Variants in NBDY observed in about 807,000 individuals in gnomAD.
NBDY encodes the protein negative regulator of P-body association.
chrX:56,766,838 C>T (rs1456653532), intron 2 of NBDY, among the ~76,000 whole-genome samples: 1 of 112,355 alleles, frequency 8.9e-6, no homozygotes, highest in Non-Finnish European at 1.9e-5. Context: ...TGGTGGCCTT[C>T]CCCAGCCTCT....
intron 2 of NBDY, among the ~76,000 whole-genome samples, chrX:56,764,702 C>CAAAAAAAA (rs10623590): frequency 4.3e-4 from 26 of 60,777 alleles, no homozygotes; most frequent in Non-Finnish European, 6.7e-4. Flanking sequence ...AAACAAACAC[C>CAAAAAAAA]AAAAAAAAAA....
At chrX:56,752,221 G>A (rs2069589209) in intron 2 of NBDY, among the ~76,000 whole-genome samples, 1 of 112,238 alleles carries the variant, frequency 8.9e-6, no homozygotes, top group African/African-American at 3.2e-5. Context: ...TATGTATACA[G>A]TAATGGGATT....
At chrX:56,740,505 A>G (rs1247665787) in intron 2 of NBDY, among the ~76,000 whole-genome samples, 1 of 110,949 alleles carries the variant, frequency 9.0e-6, no homozygotes, top group African/African-American at 3.3e-5. Flanking sequence ...CTCTATTCCT[A>G]AGTTTTTTGT....
In NBDY at chrX:56,738,155, A is replaced by G. The variant is rs145257581; in HGVS notation, c.*166+5956A>G. On this transcript the variant is annotated intron_variant, in intron 2 of 2. Transcript: ENST00000374922. ...AGATGATGCATTACATTTACTTGTC[A>G]TGTCTCTTCAGTTTTTAATATGGAA... 2.9e-3 allele frequency among the ~76,000 whole-genome samples: 324 copies of G among 112,058 alleles called. 1 individual carries two copies. The highest frequency in any genetic ancestry group is 4.6e-3 in the Middle Eastern group (1 of 218).
chrX:56,812,815 T>C (rs1239355639), intron 2 of NBDY, among the ~76,000 whole-genome samples: 1 of 111,764 alleles, frequency 8.9e-6, no homozygotes, highest in African/African-American at 3.3e-5. Flanking sequence ...TTCTTCTTCT[T>C]CCTTTTTCCT....
At chrX:56,759,078 G>A (rs2069625484) in intron 2 of NBDY, among the ~76,000 whole-genome samples, 2 of 112,035 alleles carry the variant, frequency 1.8e-5, no homozygotes, top group African/African-American at 3.3e-5. Context: ...TCCACTGAGG[G>A]ATACTCCTGC....
At chrX:56,739,234 G>GTATATATA (rs1174908386) in intron 2 of NBDY, among the ~76,000 whole-genome samples, 2 of 22,042 alleles carry the variant, frequency 9.1e-5, no homozygotes, top group African/African-American at 2.7e-4. Context: ...GTGTGTTTGT[G>GTATATATA]TGTGTATATA....
intron 2 of NBDY, among the ~76,000 whole-genome samples, chrX:56,801,097 A>C (rs1285136070): frequency 9.0e-6 from 1 of 111,597 alleles, no homozygotes; most frequent in Non-Finnish European, 1.9e-5. Context: ...GCCTACTTGT[A>C]GATCAAAGCC....
intron 2 of NBDY, among the ~76,000 whole-genome samples, chrX:56,791,656 C>T (rs756963424): frequency 4.5e-5 from 5 of 111,963 alleles, no homozygotes; most frequent in Admixed American, 1.9e-4. Context: ...CCTTGTTCCT[C>T]ATTATGTATG....
At chrX:56,813,763 A>C (rs1157664804) in intron 2 of NBDY, among the ~76,000 whole-genome samples, 1 of 111,510 alleles carries the variant, frequency 9.0e-6, no homozygotes, top group East Asian at 2.8e-4. Context: ...GAATGAATGC[A>C]GGAAGTCTGT....
chrX:56,797,150 C>T (rs1282903374), intron 2 of NBDY, among the ~76,000 whole-genome samples: 1 of 104,432 alleles, frequency 9.6e-6, no homozygotes, highest in East Asian at 3.0e-4. Flanking sequence ...TCTTCCCCTT[C>T]CCTCCTTCTC....
chrX:56,810,779 G>A (rs1402017745), intron 2 of NBDY, among the ~76,000 whole-genome samples: 3 of 110,680 alleles, frequency 2.7e-5, no homozygotes, highest in Non-Finnish European at 5.7e-5. Flanking sequence ...TCTCTGTCCA[G>A]TTTTGTTCCT....
intron 2 of NBDY, chrX:56,737,350 C>A (rs1808259635): frequency 1.4e-6 from 1 of 726,848 alleles, no homozygotes; most frequent in Admixed American, 2.2e-5. Flanking sequence ...GCTCTTTAGG[C>A]AAGATCTGAT....
chrX:56,808,285 G>C (rs2069865104), intron 2 of NBDY, among the ~76,000 whole-genome samples: 1 of 111,907 alleles, frequency 8.9e-6, no homozygotes, highest in Non-Finnish European at 1.9e-5. Flanking sequence ...GGGAGTTAGG[G>C]AGGATTCCCT....
chrX:56,812,568 C>T (rs193233802), intron 2 of NBDY, among the ~76,000 whole-genome samples: 1 of 110,903 alleles, frequency 9.0e-6, no homozygotes, highest in Non-Finnish European at 1.9e-5. Context: ...TACCTTTGTT[C>T]TCTTTTGCTC....
chrX:56,788,881 G>C (rs1274602066), intron 2 of NBDY, among the ~76,000 whole-genome samples: 1 of 112,360 alleles, frequency 8.9e-6, no homozygotes, highest in East Asian at 2.8e-4. Flanking sequence ...CCCAGTGGCA[G>C]GCACTCTTTG....
At chrX:56,755,986 T>C (rs1477758401) in intron 2 of NBDY, among the ~76,000 whole-genome samples, 11 of 104,355 alleles carry the variant, frequency 1.1e-4, no homozygotes, top group African/African-American at 3.5e-4. Context: ...TTCATGTCCT[T>C]TGTAGGGACA....
chrX:56,761,285 A>T (rs989835779), intron 2 of NBDY, among the ~76,000 whole-genome samples: 1 of 112,647 alleles, frequency 8.9e-6, no homozygotes. Context: ...CAACTCTCAG[A>T]GGGCAGGGTT....
chrX:56,799,106 C>A (rs1387169771), intron 2 of NBDY, among the ~76,000 whole-genome samples: 1 of 112,161 alleles, frequency 8.9e-6, no homozygotes, highest in Non-Finnish European at 1.9e-5. Context: ...AGAGGAACTC[C>A]TGTCTGGCCC....
Sources: gnomAD v4.1 joint callset for allele counts (sites outside exome capture counted in the v4.1 genomes callset) on GRCh38, gnomAD v4.1.1 for gene constraint, MANE v1.5 for transcripts, NCBI Gene and HGNC (gene_info 2026-07-23, HGNC 2026-07-21) for gene names.